The following ZNF703 variants were observed in gnomAD, a reference collection of about 807,000 sequenced individuals.
The protein encoded by ZNF703 is NocA-like zinc finger 1.
ZNF703 carries 18 observed loss-of-function variants against 30.7 expected under a neutral mutation model. The ratio of observed to expected loss-of-function variants is 0.59; its 90% CI spans 0.40 to 0.87. The LOEUF is 0.87. ZNF703 is among the 40% of genes least tolerant of loss of function. The pLI is 0.00. For synonymous variants in ZNF703, 457 were observed against 438.6 expected (o/e 1.04, Z -0.52); for missense variants, 814 against 847.8 (o/e 0.96, Z 0.50).
rs1393490557 is a variant in ZNF703, at chr8:37,697,600, C to CGGCGGCGGGGTT, written c.710_721dup (p.Val237_Gly240dup). 1.4e-5 allele frequency: 20 copies of CGGCGGCGGGGTT among 1,422,386 alleles called. No individual in the cohort carries two copies. Among genetic ancestry groups the CGGCGGCGGGGTT allele is most frequent in the Admixed American group, 3.0e-5 (1 of 33,648 alleles). 88.1% of individuals were successfully genotyped at this position (1,422,386 alleles called of 1,614,324 possible). A position where few individuals can be genotyped will look rare whatever the true frequency, so the allele number is the denominator to read the frequency against. ...CCCCGCACCACTCTGACTGCAAGAA[C>CGGCGGCGGGGTT]GGCGGCGGGGTTGGCGGCGGGGAGC... On this transcript the variant is annotated inframe_insertion, in exon 2 of 2. Transcript: ENST00000331569.
rs1802057982 is a variant in ZNF703, at chr8:37,695,881, C to G, written c.-99C>G. 8.5e-7 allele frequency: 1 copy of G among 1,182,298 alleles called. No homozygotes were observed. Among genetic ancestry groups the G allele is most frequent in the African/African-American group, 1.6e-5 (1 of 61,150 alleles). The allele number at this position is 1,182,298 out of a possible 1,614,324, so 73.2% of individuals were successfully genotyped here. ...CGAGGAGGCGCAGCTCCCGCTGCAC[C>G]GCGATCGACGCTGCGGAGCGAGCCC... On this transcript the variant is annotated 5_prime_UTR_variant, in exon 1 of 2. Transcript: ENST00000331569.
At position 37,695,964 on chromosome 8, in the gene ZNF703, G is replaced by A. The variant is rs767303378; in HGVS notation, c.-16G>A. On this transcript the variant is annotated 5_prime_UTR_variant, in exon 1 of 2. Coordinates refer to ENST00000331569, the MANE Select transcript of ZNF703 (RefSeq NM_025069.3). The stretch of plus-strand genomic sequence containing the variant: ...CCCCGCCCTCCCCGCCCCCCCAGCG[G>A]CGCTGCCTCCTCCAAATGAGCGATT... 2.5e-5 allele frequency: 38 copies of A among 1,496,684 alleles called. No individual in the cohort carries two copies. The South Asian group carries it at 4.6e-4, about 18-fold the overall frequency. The allele number at this position is 1,496,684 out of a possible 1,614,324, so 92.7% of individuals were successfully genotyped here.
At position 37,698,909 on chromosome 8, in the gene ZNF703, C is replaced by A. The variant is rs374640411; in HGVS notation, c.*235C>A. 5.5e-5 allele frequency: 22 copies of A among 397,118 alleles called. No individual in the cohort carries two copies. Among genetic ancestry groups the A allele is most frequent in the South Asian group, 5.5e-4 (4 of 7,310 alleles). 24.6% of individuals were successfully genotyped at this position (397,118 alleles called of 1,614,324 possible). A position where few individuals can be genotyped will look rare whatever the true frequency, so the allele number is the denominator to read the frequency against. On this transcript the variant is annotated 3_prime_UTR_variant, in exon 2 of 2. Coordinates refer to ENST00000331569, the MANE Select transcript of ZNF703 (RefSeq NM_025069.3). ...ATGGTATGCAAAAAGTCTGTGTTCT[C>A]CCAAATAATAATATTAATCCCACAA...
At position 37,698,364 on chromosome 8, in the gene ZNF703, C is replaced by T. The variant is rs1802111948; in HGVS notation, c.1463C>T (p.Pro488Leu). 1 of 1,529,994 alleles carries T rather than the reference C, an allele frequency of 6.5e-7. No homozygotes were observed. Among genetic ancestry groups the T allele is most frequent in the South Asian group, 1.2e-5 (1 of 81,994 alleles). The allele number at this position is 1,529,994 out of a possible 1,614,324, so 94.8% of individuals were successfully genotyped here. The change falls in exon 2 of 2, where the codon CCG becomes CTG. Residue 488 changes from proline (P) to leucine (L), a missense_variant. Coordinates refer to ENST00000331569, the MANE Select transcript of ZNF703 (RefSeq NM_025069.3). The part of the protein sequence containing the change: ...LSHLRTHTAL[P>L]GAEKLLAAYP... ...CACCTACGGACCCACACGGCCCTGC[C>T]GGGAGCCGAGAAACTTCTGGCCGCC...
In ZNF703 at chr8:37,697,955, C is replaced by T. The variant is rs1225319647; in HGVS notation, c.1054C>T (p.Leu352=). The T allele has an allele frequency of 1.9e-6, 3 of 1,553,776 alleles. No individual in the cohort carries two copies. The highest frequency in any genetic ancestry group is 2.6e-6 in the Non-Finnish European group (3 of 1,156,504). Residue 352 remains leucine, a synonymous_variant, in exon 2 of 2, where the codon CTG becomes TTG. Transcript: ENST00000331569. ...VGGQLSGGLG[L]PPGKPPSSSP... is the part of the protein sequence containing the mutation. The stretch of plus-strand genomic sequence containing the variant: ...AGGCCAGCTGTCTGGGGGCCTGGGC[C>T]TGCCGCCGGGCAAGCCCCCCAGCTC...
chr8:37,696,300 G>GC lies in ZNF703; in HGVS notation c.243+82dup. 1 of 1,476,636 alleles carries GC rather than the reference G, an allele frequency of 6.8e-7. No individual in the cohort carries two copies. Among genetic ancestry groups the GC allele is most frequent in the South Asian group, 1.4e-5 (1 of 73,174 alleles). The allele number at this position is 1,476,636 out of a possible 1,614,324, so 91.5% of individuals were successfully genotyped here. A position where few individuals can be genotyped will look rare whatever the true frequency, so the allele number is the denominator to read the frequency against. On this transcript the variant is annotated intron_variant, in intron 1 of 1. Transcript: ENST00000331569. The surrounding 1 kb of genome is among the most constrained non-coding windows in gnomAD (Gnocchi z 8.2). ...CCGGGACCCTGACCCAGCTCCCAGCGCCCCGGGGCTCGGTGCGACACCCAA... is the reference window on the plus strand; with the variant it reads ...CCGGGACCCTGACCCAGCTCCCAGCGCCCCCGGGGCTCGGTGCGACACCCAA...
Position 37,698,570 on chromosome 8 carries a change from G to A in ZNF703, c.1669G>A (p.Gly557Arg). 1 of 1,569,554 alleles carries A rather than the reference G, an allele frequency of 6.4e-7. No homozygotes were observed. The highest frequency in any genetic ancestry group is 8.6e-7 in the Non-Finnish European group (1 of 1,160,838). The change falls in exon 2 of 2, where the codon GGG (glycine) becomes AGG (arginine). Residue 557 changes from glycine to arginine, a missense_variant. Coordinates refer to ENST00000331569, the MANE Select transcript of ZNF703 (RefSeq NM_025069.3). ...PYGKSHLSTA[G>R]GLAVPSLPTA... ...TGGCAAGAGCCACTTATCCACAGCG[G>A]GGGGCCTGGCCGTGCCGTCCCTCCC... is the stretch of plus-strand genomic sequence containing the variant.
chr8:37,698,958 G>T lies in ZNF703; in HGVS notation c.*284G>T. Reference sequence around the variant, plus strand: ...AAATAACGACATGATCCCCGCCCCTGTTCCTTTCTGTTATTTTTTCTTAGA... The same window carrying T: ...AAATAACGACATGATCCCCGCCCCTTTTCCTTTCTGTTATTTTTTCTTAGA... On this transcript the variant is annotated 3_prime_UTR_variant, in exon 2 of 2. Coordinates refer to ENST00000331569, the MANE Select transcript of ZNF703 (RefSeq NM_025069.3). The T allele has an allele frequency of 2.8e-6, 1 of 351,374 alleles. No individual in the cohort carries two copies. Among genetic ancestry groups the T allele is most frequent in the Non-Finnish European group, 5.1e-6 (1 of 196,690 alleles). The allele number at this position is 351,374 out of a possible 1,614,324, so 21.8% of individuals were successfully genotyped here.
chr8:37,698,588 T>A lies in ZNF703; in HGVS notation c.1687T>A (p.Ser563Thr). Residue 563 changes from serine to threonine, a missense_variant, in exon 2 of 2, where the codon TCC becomes ACC. Coordinates refer to ENST00000331569, the MANE Select transcript of ZNF703 (RefSeq NM_025069.3). ...LSTAGGLAVP[S>T]LPTAGPYYSP... ...CACAGCGGGGGGCCTGGCCGTGCCG[T>A]CCCTCCCCACAGCCGGACCCTACTA... 6.4e-7 allele frequency: 1 copy of A among 1,564,342 alleles called. No homozygotes were observed. The highest frequency in any genetic ancestry group is 8.6e-7 in the Non-Finnish European group (1 of 1,158,308).
chr8:37,696,578 T>C lies in ZNF703; in HGVS notation c.243+356T>C, dbSNP rs1194625178. Among the ~76,000 whole-genome samples the C allele has an allele frequency of 6.6e-6, 1 of 152,116 alleles. No individual in the cohort carries two copies. Among genetic ancestry groups the C allele is most frequent in the Non-Finnish European group, 1.5e-5 (1 of 67,992 alleles). On this transcript the variant is annotated intron_variant, in intron 1 of 1. Coordinates refer to ENST00000331569, the MANE Select transcript of ZNF703 (RefSeq NM_025069.3). The surrounding 1 kb of genome is among the most constrained non-coding windows in gnomAD (Gnocchi z 8.2). ...CGCCCCCCACGCCGGGCTGTTTTCT[T>C]TGAAGCCCTGGCTGCCCGGGTCCCA... is the stretch of plus-strand genomic sequence containing the variant.
chr8:37,698,964 TTC>T lies in ZNF703; in HGVS notation c.*292_*293del. On this transcript the variant is annotated 3_prime_UTR_variant, in exon 2 of 2. Coordinates refer to ENST00000331569, the MANE Select transcript of ZNF703 (RefSeq NM_025069.3). ...CGACATGATCCCCGCCCCTGTTCCT[TTC>T]TGTTATTTTTTCTTAGATATAAGTT... The T allele has an allele frequency of 3.0e-6, 1 of 338,214 alleles. No homozygotes were observed. The highest frequency in any genetic ancestry group is 5.3e-6 in the Non-Finnish European group (1 of 188,050). The allele number at this position is 338,214 out of a possible 1,614,324, so 21.0% of individuals were successfully genotyped here. A position where few individuals can be genotyped will look rare whatever the true frequency, so the allele number is the denominator to read the frequency against.
Position 37,697,354 on chromosome 8 carries a change from G to C in ZNF703, c.453G>C (p.Lys151Asn). Residue 151 changes from lysine (K) to asparagine (N), a missense_variant, in exon 2 of 2, where the codon AAG becomes AAC. Transcript: ENST00000331569. ...KQLGDSPAED[K>N]SSFKPYSKGS... Reference sequence around the variant, plus strand: ...TGGGGGACTCACCGGCCGAGGACAAGTCCAGCTTCAAGCCCTACTCCAAGG... The same window carrying C: ...TGGGGGACTCACCGGCCGAGGACAACTCCAGCTTCAAGCCCTACTCCAAGG... The C allele has an allele frequency of 6.4e-7, 1 of 1,561,098 alleles. No individual in the cohort carries two copies. The highest frequency in any genetic ancestry group is 2.4e-5 in the East Asian group (1 of 41,472).
rs891969565 is a variant in ZNF703 at position 37,698,411 on chromosome 8, G to GGCA, written c.1513_1515dup (p.Ser505dup). 148 of 1,492,374 alleles carry GGCA rather than the reference G, an allele frequency of 9.9e-5. No individual in the cohort carries two copies. Among genetic ancestry groups the GGCA allele is most frequent in the Non-Finnish European group, 1.3e-4 (141 of 1,123,688 alleles). The allele number at this position is 1,492,374 out of a possible 1,614,324, so 92.4% of individuals were successfully genotyped here. A position where few individuals can be genotyped will look rare whatever the true frequency, so the allele number is the denominator to read the frequency against. ...CGCCTACCCCGGGGCCTCGGGCCTG[G>GGCA]GCAGCGCCGCCGCCGCCGCCGCCGC... On this transcript the variant is annotated inframe_insertion, in exon 2 of 2. Transcript: ENST00000331569.
chr8:37,698,202 A>T lies in ZNF703; in HGVS notation c.1301A>T (p.Gln434Leu). 1 of 1,498,552 alleles carries T rather than the reference A, an allele frequency of 6.7e-7. No individual in the cohort carries two copies. Among genetic ancestry groups the T allele is most frequent in the Non-Finnish European group, 8.9e-7 (1 of 1,129,822 alleles). 92.8% of individuals were successfully genotyped at this position (1,498,552 alleles called of 1,614,324 possible). A position where few individuals can be genotyped will look rare whatever the true frequency, so the allele number is the denominator to read the frequency against. Reference protein sequence around the residue: ...QPAALSSSAAQAALPGHPLYT... With the variant: ...QPAALSSSAALAALPGHPLYT... ...GCCGCGCTCTCGTCCAGCGCCGCCCAGGCCGCGCTCCCCGGCCACCCGCTC... is the reference window on the plus strand; with the variant it reads ...GCCGCGCTCTCGTCCAGCGCCGCCCTGGCCGCGCTCCCCGGCCACCCGCTC... The change falls in exon 2 of 2, where the codon CAG becomes CTG. Residue 434 changes from glutamine to leucine, a missense_variant. Transcript: ENST00000331569.
chr8:37,697,152 C>T lies in ZNF703; in HGVS notation c.251C>T (p.Ala84Val). Residue 84 changes from alanine (A) to valine (V), a missense_variant, in exon 2 of 2, where the codon GCC (alanine) becomes GTC (valine). Ala to Val is a moderately conservative substitution (Grantham distance 64, BLOSUM62 0). Coordinates refer to ENST00000331569, the MANE Select transcript of ZNF703 (RefSeq NM_025069.3). The stretch of plus-strand genomic sequence containing the variant: ...TGCTTCTGTCTCCCACAGCTGGACG[C>T]CAAGAAGAGCCCCTTGGCGCTGCTG... ...STPVSPIELD[A>V]KKSPLALLAQ... is the part of the protein sequence containing the mutation. 2 of 1,566,382 alleles carry T rather than the reference C, an allele frequency of 1.3e-6. No individual in the cohort carries two copies. Among genetic ancestry groups the T allele is most frequent in the Non-Finnish European group, 8.6e-7 (1 of 1,160,484 alleles).
Position 37,697,913 on chromosome 8 carries a change from A to G in ZNF703, c.1012A>G (p.Lys338Glu), listed in dbSNP as rs1386609375. ...SQFVPGLDPS[K>E]SGLVGGQLSG... ...GTTCGTGCCTGGCCTGGATCCTAGC[A>G]AGTCCGGCCTCGTGGGAGGCCAGCT... is the stretch of plus-strand genomic sequence containing the variant. Residue 338 changes from lysine (K) to glutamate (E), a missense_variant, in exon 2 of 2, where the codon AAG (lysine) becomes GAG (glutamate). Lys to Glu is a moderately conservative substitution (Grantham distance 56, BLOSUM62 1). Coordinates refer to ENST00000331569, the MANE Select transcript of ZNF703 (RefSeq NM_025069.3). 1 of 1,556,910 alleles carries G rather than the reference A, an allele frequency of 6.4e-7. No homozygotes were observed.
Position 37,697,583 on chromosome 8 carries a change from C to T in ZNF703, c.682C>T (p.His228Tyr). 6.9e-7 allele frequency: 1 copy of T among 1,444,912 alleles called. No individual in the cohort carries two copies. Among genetic ancestry groups the T allele is most frequent in the Non-Finnish European group, 9.0e-7 (1 of 1,105,362 alleles). 89.5% of individuals were successfully genotyped at this position (1,444,912 alleles called of 1,614,324 possible). A position where few individuals can be genotyped will look rare whatever the true frequency, so the allele number is the denominator to read the frequency against. The change falls in exon 2 of 2, where the codon CAC becomes TAC. Residue 228 changes from histidine to tyrosine, a missense_variant. His to Tyr is a moderately conservative substitution (Grantham distance 83). Coordinates refer to ENST00000331569, the MANE Select transcript of ZNF703 (RefSeq NM_025069.3). ...PGGSRGGSPH[H>Y]SDCKNGGGVG... The stretch of plus-strand genomic sequence containing the variant: ...CGGCTCCCGCGGCGGCTCCCCGCAC[C>T]ACTCTGACTGCAAGAACGGCGGCGG...
At position 37,697,621 on chromosome 8, in the gene ZNF703, G is replaced by A. The variant is rs1243378211; in HGVS notation, c.720G>A (p.Gly240=). 4 of 1,418,028 alleles carry A rather than the reference G, an allele frequency of 2.8e-6. No individual in the cohort carries two copies. Among genetic ancestry groups the A allele is most frequent in the South Asian group, 1.5e-5 (1 of 65,264 alleles). 87.8% of individuals were successfully genotyped at this position (1,418,028 alleles called of 1,614,324 possible). Residue 240 remains glycine, a synonymous_variant, in exon 2 of 2, where the codon GGG becomes GGA. Coordinates refer to ENST00000331569, the MANE Select transcript of ZNF703 (RefSeq NM_025069.3). The part of the protein sequence containing the change: ...DCKNGGGVGG[G]ELDKKDQEPK... The stretch of plus-strand genomic sequence containing the variant: ...AGAACGGCGGCGGGGTTGGCGGCGG[G>A]GAGCTGGACAAGAAAGACCAGGAGC...
Position 37,698,638 on chromosome 8 carries a change from G to A in ZNF703, c.1737G>A (p.Gln579=). 1 of 1,508,418 alleles carries A rather than the reference G, an allele frequency of 6.6e-7. No individual in the cohort carries two copies. The highest frequency in any genetic ancestry group is 1.3e-5 in the South Asian group (1 of 76,768). 93.4% of individuals were successfully genotyped at this position (1,508,418 alleles called of 1,614,324 possible). A position where few individuals can be genotyped will look rare whatever the true frequency, so the allele number is the denominator to read the frequency against. ...ATTCGCCATACGCGCTGTATGGACA[G>A]AGACTAGCTTCAGCCTCGGCGCTGG... is the stretch of plus-strand genomic sequence containing the variant. ...PYYSPYALYG[Q]RLASASALGY... Residue 579 remains glutamine (Q), a synonymous_variant, in exon 2 of 2, where the codon CAG becomes CAA. Coordinates refer to ENST00000331569, the MANE Select transcript of ZNF703 (RefSeq NM_025069.3).
Sources: allele counts gnomAD v4.1 joint callset (sites outside exome capture counted in the v4.1 genomes callset), GRCh38; gene constraint gnomAD v4.1.1; non-coding constraint Gnocchi (gnomAD v3.1); transcripts MANE v1.5; gene names NCBI Gene and HGNC (gene_info 2026-07-23, HGNC 2026-07-21).